The following C16orf87 variants were observed in gnomAD, a reference collection of about 807,000 sequenced individuals.
The protein encoded by C16orf87 is UPF0547 protein C16orf87.
In C16orf87, 13 loss-of-function variants were observed where a neutral mutation model predicts 21.0. That is an observed-to-expected ratio of 0.62 (90% CI 0.40 to 0.98). C16orf87 has a LOEUF of 0.98. Among genes scored for constraint, C16orf87 ranks in the 50% least tolerant of loss-of-function variants. The probability of loss-of-function intolerance (pLI) is 0.00; values close to 1 mark genes in which losing one functional copy is unlikely to be tolerated. For missense variants in C16orf87, 113 were observed against 180.4 expected (o/e 0.63, Z 2.14); for synonymous variants, 49 against 60.2 (o/e 0.81, Z 0.86).
rs745704057 is a variant in C16orf87, at chr16:46,809,812, T to A, written c.164-27A>T. On this transcript the variant is annotated intron_variant, in intron 2 of 3. Coordinates refer to ENST00000285697, the MANE Select transcript of C16orf87 (RefSeq NM_001001436.4). Reference sequence around the variant, plus strand: ...TGTATGGATGAATAAAAGTGATATATTTTAGGGCTTAGCAAGAACTGTTTG... The same window carrying A: ...TGTATGGATGAATAAAAGTGATATAATTTAGGGCTTAGCAAGAACTGTTTG... 8 of 1,488,472 alleles carry A rather than the reference T, an allele frequency of 5.4e-6. No homozygotes were observed. In the South Asian group the frequency reaches 7.2e-5, roughly 13 times the overall value. The allele number at this position is 1,488,472 out of a possible 1,614,324, so 92.2% of individuals were successfully genotyped here. A position where few individuals can be genotyped will look rare whatever the true frequency, so the allele number is the denominator to read the frequency against.
At position 46,800,689 on chromosome 16, in the gene C16orf87, G is replaced by A. The variant is rs1453046675; in HGVS notation, c.*2263C>T. ...TCTTAGGACATCTGCTGATGACAGAGGTTTCTCTGACACCAGTGACAAAGT... is the reference window on the plus strand; with the variant it reads ...TCTTAGGACATCTGCTGATGACAGAAGTTTCTCTGACACCAGTGACAAAGT... On this transcript the variant is annotated 3_prime_UTR_variant, in exon 4 of 4. Coordinates refer to ENST00000285697, the MANE Select transcript of C16orf87 (RefSeq NM_001001436.4). 2 of 152,116 alleles carry A rather than the reference G, an allele frequency of 1.3e-5. No homozygotes were observed. The highest frequency in any genetic ancestry group is 2.9e-5 in the Non-Finnish European group (2 of 68,036). The allele number at this position is 152,116 out of a possible 1,614,324, so 9.4% of individuals were successfully genotyped here.
chr16:46,804,318 A>G (rs984021212), intron 3 of C16orf87, among the ~76,000 whole-genome samples: 4 of 152,210 alleles, frequency 2.6e-5, no homozygotes, highest in African/African-American at 9.6e-5. Flanking sequence ...TCTCATCTCT[A>G]GAGTTGGGTG....
At chr16:46,809,572 T>C (rs1175401661) in intron 3 of C16orf87, 31 bp downstream of exon 3, 3 of 1,538,700 alleles carry the variant, frequency 1.9e-6, no homozygotes. Flanking sequence ...AATTTAATAC[T>C]TGAAAAAAAA....
intron 1 of C16orf87, among the ~76,000 whole-genome samples, chr16:46,829,601 GAAAT>G (rs2143188915): frequency 6.6e-6 from 1 of 152,264 alleles, no homozygotes; most frequent in Admixed American, 6.5e-5. Flanking sequence ...TTTAAACACT[GAAAT>G]AATCTCCCGC....
chr16:46,818,326 C>T (rs7187475), intron 2 of C16orf87, among the ~76,000 whole-genome samples: 26,629 of 152,082 alleles, frequency 0.18, 2,906 homozygotes, highest in African/African-American at 0.3. Flanking sequence ...CCATTTTTTT[C>T]CCTTAACTAA....
chr16:46,822,821 T>C (rs1173724985), intron 2 of C16orf87, among the ~76,000 whole-genome samples: 1 of 152,100 alleles, frequency 6.6e-6, no homozygotes, highest in East Asian at 1.9e-4. Context: ...TGCCATCTTC[T>C]CCTCTCTTCA....
intron 2 of C16orf87, among the ~76,000 whole-genome samples, chr16:46,818,013 GGGAAGAT>G (rs1316566657): frequency 6.7e-6 from 1 of 150,100 alleles, no homozygotes; most frequent in Non-Finnish European, 1.5e-5. Flanking sequence ...TAGCATGTAA[GGGAAGAT>G]GCTTCCTTTT....
intron 2 of C16orf87, 122 bp from the exon 3 acceptor site, chr16:46,809,907 G>A (rs1968035456): frequency 6.7e-6 from 4 of 600,604 alleles, no homozygotes; most frequent in Non-Finnish European, 1.2e-5. Context: ...ATATTTCATA[G>A]AACTACAACC....
In C16orf87 at chr16:46,802,289, A is replaced by G. The variant is rs939328575; in HGVS notation, c.*663T>C. The G allele has an allele frequency of 6.6e-6, 1 of 152,330 alleles. No individual in the cohort carries two copies. The highest frequency in any genetic ancestry group is 2.4e-5 in the African/African-American group (1 of 41,364). 9.4% of individuals were successfully genotyped at this position (152,330 alleles called of 1,614,324 possible). ...CAAGAAAACAAGGTGTTTATATCTG[A>G]GTATATCATTAAATGTTTTTCTTCA... On this transcript the variant is annotated 3_prime_UTR_variant, in exon 4 of 4. Coordinates refer to ENST00000285697, the MANE Select transcript of C16orf87 (RefSeq NM_001001436.4).
At chr16:46,829,129 A>C (rs1466761517) in intron 1 of C16orf87, among the ~76,000 whole-genome samples, 7 of 152,156 alleles carry the variant, frequency 4.6e-5, no homozygotes, top group Non-Finnish European at 8.8e-5. Context: ...TGGGGCCCTC[A>C]TGATGTGATT....
At chr16:46,807,577 A>G (rs1967967307) in intron 3 of C16orf87, among the ~76,000 whole-genome samples, 1 of 152,232 alleles carries the variant, frequency 6.6e-6, no homozygotes, top group African/African-American at 2.4e-5. Context: ...TCCAGCTACA[A>G]TGGCAGAGCT....
At chr16:46,830,700 C>T (rs1306006766) in intron 1 of C16orf87, 1 of 180,048 alleles carries the variant, frequency 5.6e-6, no homozygotes, top group Non-Finnish European at 1.2e-5. Context: ...GGCCTGGCCT[C>T]GGAGGCGGGC....
chr16:46,803,080 G>A lies in C16orf87; in HGVS notation c.347-10C>T, dbSNP rs1313835539. 5 of 1,372,622 alleles carry A rather than the reference G, an allele frequency of 3.6e-6. No individual in the cohort carries two copies. The highest frequency in any genetic ancestry group is 2.5e-5 in the South Asian group (2 of 80,884). 85.0% of individuals were successfully genotyped at this position (1,372,622 alleles called of 1,614,324 possible). A position where few individuals can be genotyped will look rare whatever the true frequency, so the allele number is the denominator to read the frequency against. ...TCCTTTTCCTGTTTCTCTGTTAAAA[G>A]AAAAAGGGAAAGTTTAATATAAAGG... On this transcript the variant is annotated splice_polypyrimidine_tract_variant and intron_variant, in intron 3 of 3. Coordinates refer to ENST00000285697, the MANE Select transcript of C16orf87 (RefSeq NM_001001436.4).
intron 2 of C16orf87, among the ~76,000 whole-genome samples, chr16:46,813,969 T>A (rs561656779): frequency 3.3e-5 from 5 of 152,300 alleles, no homozygotes; most frequent in African/African-American, 1.2e-4. Flanking sequence ...TTACACAGAC[T>A]GTTGAATAAA....
intron 3 of C16orf87, among the ~76,000 whole-genome samples, chr16:46,807,343 G>A (rs1967959940): frequency 1.3e-5 from 2 of 152,006 alleles, no homozygotes; most frequent in African/African-American, 4.8e-5. Context: ...CTTGAGCCCA[G>A]GAGTTTGAGG....
At chr16:46,829,123 G>T (rs995777017) in intron 1 of C16orf87, among the ~76,000 whole-genome samples, 1 of 152,072 alleles carries the variant, frequency 6.6e-6, no homozygotes, top group African/African-American at 2.4e-5. Context: ...TGAGGGTGGG[G>T]CCCTCATGAT....
chr16:46,818,462 G>C (rs1030403569), intron 2 of C16orf87, among the ~76,000 whole-genome samples: 1 of 152,198 alleles, frequency 6.6e-6, no homozygotes, highest in South Asian at 2.1e-4. Flanking sequence ...GTGAAAAAAG[G>C]AGGAGGTTAT....
intron 2 of C16orf87, among the ~76,000 whole-genome samples, chr16:46,811,764 T>C (rs964065122): frequency 3.3e-5 from 5 of 152,088 alleles, no homozygotes; most frequent in Admixed American, 3.3e-4. Context: ...GAGAAAATAA[T>C]AGATAATAAG....
At chr16:46,821,119 T>G (rs1171839216) in intron 2 of C16orf87, among the ~76,000 whole-genome samples, 3 of 152,242 alleles carry the variant, frequency 2.0e-5, no homozygotes, top group Non-Finnish European at 4.4e-5. Context: ...AAGGCAAATC[T>G]TACTTCTAAG....
Sources: allele counts gnomAD v4.1 joint callset (sites outside exome capture counted in the v4.1 genomes callset), GRCh38; gene constraint gnomAD v4.1.1; transcripts MANE v1.5; gene names NCBI Gene and HGNC (gene_info 2026-07-23, HGNC 2026-07-21).